The following AUTS2 variants were observed in gnomAD, a reference collection of about 807,000 sequenced individuals.
AUTS2 encodes activator of transcription and developmental regulator AUTS2.
AUTS2 carries 17 observed loss-of-function variants against 112.4 expected under a neutral mutation model. The observed-to-expected ratio is 0.15, with a 90% CI of 0.10 to 0.23. The LOEUF is 0.23. Among genes scored for constraint, AUTS2 ranks in the 10% least tolerant of loss-of-function variants. AUTS2 has a pLI of 1.00. For synonymous variants in AUTS2, 751 were observed against 702.7 expected, an observed-to-expected ratio of 1.07 and a Z score of -1.09; for missense variants, 1,510 against 1,701.6, an observed-to-expected ratio of 0.89 and a Z score of 1.98.
intron 5 of AUTS2, among the ~76,000 whole-genome samples, chr7:70,540,166 A>T (rs1800491921): frequency 6.6e-6 from 1 of 152,028 alleles, no homozygotes; most frequent in Admixed American, 6.5e-5. Context: ...TAAGTGTCTC[A>T]TAGTCCTTCT....
intron 4 of AUTS2, among the ~76,000 whole-genome samples, chr7:70,286,017 G>C (rs1343182348): frequency 6.6e-6 from 1 of 152,234 alleles, no homozygotes; most frequent in Non-Finnish European, 1.5e-5. Flanking sequence ...TATTGGCTGA[G>C]TAAGAGTTAG....
At chr7:70,227,109 AGATGGCTGTCT>A (rs1811805540) in intron 4 of AUTS2, among the ~76,000 whole-genome samples, 1 of 152,214 alleles carries the variant, frequency 6.6e-6, no homozygotes. Context: ...AAGTTAAACT[AGATGGCTGTCT>A]GAAGACCCGG....
intron 4 of AUTS2, among the ~76,000 whole-genome samples, chr7:70,392,408 G>A (rs1354692761): frequency 6.6e-6 from 1 of 152,126 alleles, no homozygotes; most frequent in Non-Finnish European, 1.5e-5. Flanking sequence ...GGGAAGCCTT[G>A]CTGTGTTCTT....
At chr7:70,068,554 T>C (rs1563077470) in intron 2 of AUTS2, among the ~76,000 whole-genome samples, 1 of 152,190 alleles carries the variant, frequency 6.6e-6, no homozygotes, top group Non-Finnish European at 1.5e-5. Flanking sequence ...TGAAAGATTT[T>C]ATGTTCAAGG....
In AUTS2 at chr7:70,075,930, T is replaced by G. The variant is rs962564314; in HGVS notation, c.523-42202T>G. On this transcript the variant is annotated intron_variant, in intron 2 of 18. Transcript: ENST00000342771. Reference sequence around the variant, plus strand: ...ATAGCCAGATAGTAAATATTTTAGGTTTTTTGGGCCATACAGTCTCTGGTA... The same window carrying G: ...ATAGCCAGATAGTAAATATTTTAGGGTTTTTGGGCCATACAGTCTCTGGTA... Among the ~76,000 whole-genome samples the G allele has an allele frequency of 2.6e-5, 4 of 152,184 alleles. No individual in the cohort carries two copies. In the East Asian group the frequency reaches 7.7e-4, roughly 29 times the overall value.
At chr7:70,049,859 GTGTT>G (rs1180796150) in intron 2 of AUTS2, among the ~76,000 whole-genome samples, 1 of 151,786 alleles carries the variant, frequency 6.6e-6, no homozygotes, top group Non-Finnish European at 1.5e-5. Context: ...ACAAACGTGT[GTGTT>G]TGTGTGTGTG....
chr7:69,938,291 C>CA (rs1796493610), intron 2 of AUTS2, among the ~76,000 whole-genome samples: 1 of 152,162 alleles, frequency 6.6e-6, no homozygotes, highest in South Asian at 2.1e-4. Flanking sequence ...GGCCTCTTCC[C>CA]ACTGCTCTTT....
chr7:69,746,589 C>T (rs1363847690), intron 1 of AUTS2, among the ~76,000 whole-genome samples: 2 of 152,098 alleles, frequency 1.3e-5, no homozygotes, highest in Non-Finnish European at 2.9e-5. Flanking sequence ...GGTGGAGACA[C>T]TGCAAGGTAC....
At chr7:70,487,486 A>G (rs1466054674) in intron 5 of AUTS2, among the ~76,000 whole-genome samples, 1 of 152,154 alleles carries the variant, frequency 6.6e-6, no homozygotes, top group African/African-American at 2.4e-5. Context: ...ATGGCTGCAT[A>G]GGGAGCCATT....
At chr7:69,968,586 A>T (rs1189855547) in intron 2 of AUTS2, among the ~76,000 whole-genome samples, 2 of 152,186 alleles carry the variant, frequency 1.3e-5, no homozygotes. Flanking sequence ...GCAGATCAAG[A>T]AATGAGATTT....
intron 1 of AUTS2, among the ~76,000 whole-genome samples, chr7:69,838,491 G>C (rs1791824293): frequency 6.6e-6 from 1 of 152,136 alleles, no homozygotes. Flanking sequence ...AAGCCACATA[G>C]CTGGCAGGTG....
Position 70,661,691 on chromosome 7 carries a change from A to G in AUTS2, c.691-36878A>G, listed in dbSNP as rs150779687. Among the ~76,000 whole-genome samples, 429 of 152,302 alleles carry G rather than the reference A, an allele frequency of 2.8e-3. 1 individual carries two copies. The highest frequency in any genetic ancestry group is 6.8e-3 in the Middle Eastern group (2 of 294). Reference sequence around the variant, plus strand: ...GATCTGTAGATCGATGCTGGTGTAGAGCAGTTAGAACAAATCTGTAGATCT... The same window carrying G: ...GATCTGTAGATCGATGCTGGTGTAGGGCAGTTAGAACAAATCTGTAGATCT... On this transcript the variant is annotated intron_variant, in intron 5 of 18. Coordinates refer to ENST00000342771, the MANE Select transcript of AUTS2 (RefSeq NM_015570.4).
chr7:70,301,952 A>AT (rs1222451558), intron 4 of AUTS2, among the ~76,000 whole-genome samples: 2 of 149,650 alleles, frequency 1.3e-5, no homozygotes, highest in Non-Finnish European at 3.0e-5. Flanking sequence ...TTTTTTTGGT[A>AT]TTTTTTGTAG....
At chr7:70,047,946 A>G (rs1193480176) in intron 2 of AUTS2, among the ~76,000 whole-genome samples, 1 of 152,092 alleles carries the variant, frequency 6.6e-6, no homozygotes, top group Non-Finnish European at 1.5e-5. Context: ...CTTCAAGGAG[A>G]ATATGGTAAA....
intron 5 of AUTS2, among the ~76,000 whole-genome samples, chr7:70,494,097 C>G (rs1255538011): frequency 6.6e-6 from 1 of 152,026 alleles, no homozygotes; most frequent in African/African-American, 2.4e-5. Flanking sequence ...ACTAGGAATT[C>G]AAGACTCAGA....
At chr7:70,765,103 C>T (rs1789852379) in intron 8 of AUTS2, 98 bp downstream of exon 8, 7 of 1,479,708 alleles carry the variant, frequency 4.7e-6, no homozygotes, top group East Asian at 2.4e-5. Flanking sequence ...GTTGCATTTG[C>T]CTACAATTTT....
chr7:70,133,872 A>G (rs1409075480), intron 3 of AUTS2, among the ~76,000 whole-genome samples: 1 of 152,180 alleles, frequency 6.6e-6, no homozygotes, highest in Non-Finnish European at 1.5e-5. Context: ...TGTCAGAACT[A>G]TGACAGCCTA....
intron 5 of AUTS2, among the ~76,000 whole-genome samples, chr7:70,454,257 A>G (rs1361150438): frequency 6.6e-6 from 1 of 152,176 alleles, no homozygotes; most frequent in African/African-American, 2.4e-5. Context: ...TATAAAGGCC[A>G]GGTGTGGTGT....
Position 70,771,632 on chromosome 7 carries a change from A to G in AUTS2, c.1818A>G (p.Ala606=). The G allele has an allele frequency of 6.2e-7, 1 of 1,613,710 alleles. No homozygotes were observed. The highest frequency in any genetic ancestry group is 8.5e-7 in the Non-Finnish European group (1 of 1,179,724). Residue 606 remains alanine, a synonymous_variant, in exon 11 of 19, where the codon GCA becomes GCG. Transcript: ENST00000342771. The stretch of plus-strand genomic sequence containing the variant: ...GCCCTTTTGGTTCACTACAAGGAGC[A>G]TTTCAGCCGAAGGTAAGAAACCTCA... The part of the protein sequence containing the change: ...PTGPFGSLQG[A]FQPKTSNPID...
Sources: gnomAD v4.1 joint callset for allele counts (sites outside exome capture counted in the v4.1 genomes callset) on GRCh38, gnomAD v4.1.1 for gene constraint, MANE v1.5 for transcripts, NCBI Gene and HGNC (gene_info 2026-07-23, HGNC 2026-07-21) for gene names.